The following MTHFD1L variants were observed in gnomAD, a reference collection of about 807,000 sequenced individuals.
MTHFD1L encodes the protein monofunctional C1-tetrahydrofolate synthase, mitochondrial.
Under a neutral mutation model 119.5 loss-of-function variants are expected in MTHFD1L, and 81 were observed. The ratio of observed to expected loss-of-function variants is 0.68; its 90% CI spans 0.57 to 0.82. The LOEUF (loss-of-function observed/expected upper bound fraction) is 0.82, where lower values mean the gene tolerates loss of function less well. Ranked by LOEUF, MTHFD1L falls within the 40% of genes least tolerant of loss-of-function variation. MTHFD1L has a pLI of 0.00. For missense variants in MTHFD1L, 1,125 were observed against 1,253.4 expected, an observed-to-expected ratio of 0.90 and a Z score of 1.55; for synonymous variants, 430 against 475.2, an observed-to-expected ratio of 0.90 and a Z score of 1.24.
intron 7 of MTHFD1L, among the ~76,000 whole-genome samples, chr6:150,896,759 G>A (rs946594808): frequency 1.3e-5 from 2 of 152,124 alleles, no homozygotes; most frequent in Non-Finnish European, 2.9e-5. Context: ...ATACTTAGCA[G>A]TGTTGAGGGA....
At chr6:150,974,790 G>A (rs1416502181) in intron 20 of MTHFD1L, among the ~76,000 whole-genome samples, 8 of 150,186 alleles carry the variant, frequency 5.3e-5, no homozygotes, top group South Asian at 2.1e-4. Flanking sequence ...AGGCTGGAGC[G>A]CAATGGCACA....
chr6:150,866,468 C>T, intron 1 of MTHFD1L: 1 of 1,318,686 alleles, frequency 7.6e-7, no homozygotes, highest in Non-Finnish European at 9.6e-7. Flanking sequence ...GCTCGGCGCG[C>T]CGGCTGGCCC....
intron 20 of MTHFD1L, among the ~76,000 whole-genome samples, chr6:150,991,434 T>C (rs528223899): frequency 1.3e-5 from 2 of 152,364 alleles, no homozygotes; most frequent in East Asian, 3.8e-4. Context: ...AATGAAGAGA[T>C]ATAGAAGTAT....
chr6:151,012,822 G>A (rs1439035168), intron 21 of MTHFD1L, among the ~76,000 whole-genome samples: 1 of 152,126 alleles, frequency 6.6e-6, no homozygotes, highest in Non-Finnish European at 1.5e-5. Flanking sequence ...GAAGACCCAG[G>A]AGAGGCAGTG....
Position 151,039,655 on chromosome 6 carries a change from G to A in MTHFD1L, c.2847+2538G>A, listed in dbSNP as rs1462666677. On this transcript the variant is annotated intron_variant, in intron 26 of 27. Transcript: ENST00000367321. This position sits in a 1 kb window ranked among gnomAD's most constrained non-coding sequence, Gnocchi z 4.4. ...CAGTCAGCCGGGTGCGGTGGCTCAC[G>A]CCTGTAATCCCAGCACTTTGGGAGG... Among the ~76,000 whole-genome samples, 7 of 152,196 alleles carry A rather than the reference G, an allele frequency of 4.6e-5. No individual in the cohort carries two copies. In the East Asian group the frequency reaches 7.8e-4, roughly 17 times the overall value.
chr6:151,000,978 A>G (rs986817381), intron 20 of MTHFD1L, among the ~76,000 whole-genome samples: 12 of 152,200 alleles, frequency 7.9e-5, no homozygotes, highest in African/African-American at 2.7e-4. Flanking sequence ...AATGAAAGCT[A>G]CAGTTTTATT....
At chr6:151,094,100 C>T (rs78925030) in intron 27 of MTHFD1L, among the ~76,000 whole-genome samples, 2,838 of 152,264 alleles carry the variant, frequency 0.019, 94 homozygotes, top group African/African-American at 0.065. Context: ...GGCTGCTTCT[C>T]CTACCCCAGG....
intron 8 of MTHFD1L, among the ~76,000 whole-genome samples, chr6:150,915,997 C>T (rs752838141): frequency 2.0e-5 from 3 of 152,132 alleles, no homozygotes; most frequent in Non-Finnish European, 4.4e-5. Context: ...GTGGTTAAAA[C>T]GAAACACAAC....
chr6:150,891,532 ATATAT>A (rs911035176), intron 7 of MTHFD1L, among the ~76,000 whole-genome samples: 33 of 148,018 alleles, frequency 2.2e-4, no homozygotes, highest in African/African-American at 6.1e-4. Context: ...TATATATAAT[ATATAT>A]TATATTATTA....
intron 20 of MTHFD1L, among the ~76,000 whole-genome samples, chr6:150,998,568 A>C (rs1025099126): frequency 6.6e-6 from 1 of 150,938 alleles, no homozygotes; most frequent in Non-Finnish European, 1.5e-5. Flanking sequence ...CAAAAATCCA[A>C]AGTTTTTTGA....
chr6:150,978,481 A>T (rs1482933799), intron 20 of MTHFD1L, among the ~76,000 whole-genome samples: 1 of 152,072 alleles, frequency 6.6e-6, no homozygotes, highest in East Asian at 1.9e-4. Flanking sequence ...GAGCATAAAC[A>T]CTCATGCAGC....
rs540772002 is a variant in MTHFD1L, at chr6:151,096,070, G to A, written c.*31+3483G>A. Among the ~76,000 whole-genome samples the A allele has an allele frequency of 2.2e-3, 328 of 152,322 alleles. 3 individuals carry two copies. Among genetic ancestry groups the A allele is most frequent in the African/African-American group, 7.5e-3 (310 of 41,576 alleles). On this transcript the variant is annotated intron_variant, in intron 27 of 27. Coordinates refer to ENST00000367321, the MANE Select transcript of MTHFD1L (RefSeq NM_015440.5). ...ACCTTTATGCCCCAAACCAAAGGATGCCCTTTTCATTTCAGTCACGGGTAA... is the reference window on the plus strand; with the variant it reads ...ACCTTTATGCCCCAAACCAAAGGATACCCTTTTCATTTCAGTCACGGGTAA...
At chr6:151,047,249 C>CA (rs1366590215) in intron 26 of MTHFD1L, among the ~76,000 whole-genome samples, 4 of 152,126 alleles carry the variant, frequency 2.6e-5, no homozygotes, top group Admixed American at 2.6e-4. Flanking sequence ...AGAACCTATC[C>CA]ACAATGTTAA....
At chr6:151,006,192 G>A (rs955559199) in intron 20 of MTHFD1L, among the ~76,000 whole-genome samples, 3 of 151,838 alleles carry the variant, frequency 2.0e-5, no homozygotes, top group South Asian at 4.1e-4. Context: ...CCACAGGGCC[G>A]GGAGGGTGGG....
chr6:150,929,970 C>A (rs893237651), intron 11 of MTHFD1L, among the ~76,000 whole-genome samples: 6 of 152,064 alleles, frequency 3.9e-5, no homozygotes, highest in Non-Finnish European at 8.8e-5. Context: ...ACACTGGATT[C>A]TATAAGGGAA....
At chr6:150,893,392 A>G (rs932026252) in intron 7 of MTHFD1L, among the ~76,000 whole-genome samples, 8 of 152,160 alleles carry the variant, frequency 5.3e-5, no homozygotes, top group African/African-American at 1.7e-4. Flanking sequence ...TGCCCAGCTT[A>G]ATCAACCAAG....
rs1348095433 is a variant in MTHFD1L, at chr6:150,997,371, T to C, written c.2126-12448T>C. Reference sequence around the variant, plus strand: ...GAAGATTCTTCTTACTTCATTTGTTTTCATGCTACATTTTTGCTGTCCGGC... The same window carrying C: ...GAAGATTCTTCTTACTTCATTTGTTCTCATGCTACATTTTTGCTGTCCGGC... On this transcript the variant is annotated intron_variant, in intron 20 of 27. Coordinates refer to ENST00000367321, the MANE Select transcript of MTHFD1L (RefSeq NM_015440.5). Among the ~76,000 whole-genome samples, 3 of 149,010 alleles carry C rather than the reference T, an allele frequency of 2.0e-5. No homozygotes were observed. In the East Asian group the frequency reaches 5.8e-4, roughly 29 times the overall value.
At chr6:151,034,844 G>A (rs1278761949) in intron 25 of MTHFD1L, among the ~76,000 whole-genome samples, 2 of 152,172 alleles carry the variant, frequency 1.3e-5, no homozygotes, top group African/African-American at 2.4e-5. Context: ...TCTGATATGG[G>A]TGGTATCCCT....
At position 150,874,761 on chromosome 6, in the gene MTHFD1L, T is replaced by A. The variant is rs1057436675; in HGVS notation, c.228-1329T>A. ...AAGGTTCCATAAAGAGCTGAGCTCC[T>A]AACACTTTTTTTTTTTTTTGAGACG... On this transcript the variant is annotated intron_variant, in intron 1 of 27. Transcript: ENST00000367321. Among the ~76,000 whole-genome samples the A allele has an allele frequency of 4.6e-5, 7 of 151,436 alleles. No individual in the cohort carries two copies. The South Asian group carries it at 1.5e-3, about 32-fold the overall frequency.
Sources: gnomAD v4.1 joint callset for allele counts (sites outside exome capture counted in the v4.1 genomes callset) on GRCh38, gnomAD v4.1.1 for gene constraint, Gnocchi (gnomAD v3.1) non-coding constraint, MANE v1.5 for transcripts, NCBI Gene and HGNC (gene_info 2026-07-23, HGNC 2026-07-21) for gene names.